The following FGF12 variants were observed in gnomAD, a reference collection of about 807,000 sequenced individuals.
FGF12 encodes fibroblast growth factor 12B.
A neutral mutation model predicts 23.6 loss-of-function variants in FGF12; 14 were observed. That is an observed-to-expected ratio of 0.59 (90% confidence interval 0.39 to 0.93). The LOEUF is 0.93. Among genes scored for constraint, FGF12 ranks in the 40% least tolerant of loss-of-function variants. The pLI is 0.00. For missense variants in FGF12, 175 were observed against 217.8 expected (o/e 0.80, Z 1.24); for synonymous variants, 62 against 77.3 (o/e 0.80, Z 1.04).
intron 2 of FGF12, among the ~76,000 whole-genome samples, chr3:192,609,529 C>T (rs1427006439): frequency 6.6e-6 from 1 of 152,006 alleles, no homozygotes; most frequent in Non-Finnish European, 1.5e-5. Flanking sequence ...CTTAAGATGC[C>T]AGCAAGCATC....
chr3:192,439,957 CA>C (rs1014651755), intron 2 of FGF12, among the ~76,000 whole-genome samples: 9 of 135,634 alleles, frequency 6.6e-5, no homozygotes. Flanking sequence ...GCCTAGGTGA[CA>C]GAGCAAGACT....
At chr3:192,364,369 G>A (rs540068207) in intron 2 of FGF12, among the ~76,000 whole-genome samples, 45 of 148,534 alleles carry the variant, frequency 3.0e-4, no homozygotes, top group Admixed American at 1.0e-3. Context: ...TTAATGAAAT[G>A]ATGACTATAT....
chr3:192,413,157 C>G (rs1721248421), intron 2 of FGF12, among the ~76,000 whole-genome samples: 1 of 152,096 alleles, frequency 6.6e-6, no homozygotes, highest in South Asian at 2.1e-4. Context: ...GCTTTTTGGT[C>G]TTTTGCTTAT....
At chr3:192,266,881 A>G (rs2054791524) in intron 4 of FGF12, 1 of 152,018 alleles carries the variant, frequency 6.6e-6, no homozygotes, top group African/African-American at 2.4e-5. Flanking sequence ...AAGGAAAAGA[A>G]ACTCAGGGAA....
chr3:192,163,938 G>A (rs58422510), intron 5 of FGF12, among the ~76,000 whole-genome samples: 9,685 of 151,958 alleles, frequency 0.064, 373 homozygotes, highest in African/African-American at 0.089. Context: ...CTGTATGGAT[G>A]GCTCTCAAAT....
intron 2 of FGF12, among the ~76,000 whole-genome samples, chr3:192,702,508 A>AAAGCCCAGTCC (rs1553847934): frequency 1.3e-5 from 2 of 152,158 alleles, no homozygotes; most frequent in African/African-American, 2.4e-5. Flanking sequence ...CCAAATGTAA[A>AAAGCCCAGTCC]AAGGCCAGGC....
intron 2 of FGF12, among the ~76,000 whole-genome samples, chr3:192,463,397 G>C (rs2108808873): frequency 6.6e-6 from 1 of 152,194 alleles, no homozygotes; most frequent in Middle Eastern, 3.4e-3. Context: ...TCCAGCCTGG[G>C]TGACAGAGTG....
intron 2 of FGF12, among the ~76,000 whole-genome samples, chr3:192,557,739 T>A (rs1711848574): frequency 6.6e-6 from 1 of 151,918 alleles, no homozygotes. Context: ...GTAACATATA[T>A]TCCTGAGATG....
intron 2 of FGF12, among the ~76,000 whole-genome samples, chr3:192,431,442 C>A (rs1721857781): frequency 1.3e-5 from 2 of 152,174 alleles, no homozygotes; most frequent in Non-Finnish European, 2.9e-5. Context: ...ATTTAAAAAG[C>A]ATATAGCACT....
intron 2 of FGF12, among the ~76,000 whole-genome samples, chr3:192,464,540 G>GTC: frequency 6.8e-6 from 1 of 147,014 alleles, no homozygotes; most frequent in South Asian, 2.2e-4. Flanking sequence ...GTGTGTGTGT[G>GTC]TGTGTATGAC....
intron 2 of FGF12, among the ~76,000 whole-genome samples, chr3:192,497,437 GCAGA>G (rs1461411774): frequency 1.3e-5 from 2 of 152,192 alleles, no homozygotes; most frequent in Non-Finnish European, 2.9e-5. Context: ...TTTTCATAGT[GCAGA>G]CAGAGGGATC....
At chr3:192,145,028 T>TG in intron 5 of FGF12, among the ~76,000 whole-genome samples, 1 of 152,092 alleles carries the variant, frequency 6.6e-6, no homozygotes, top group African/African-American at 2.4e-5. Flanking sequence ...AAACCATCAT[T>TG]ACAAAGATTT....
rs113115999 is a variant in FGF12 at position 192,169,161 on chromosome 3, C to T, written c.427+1297G>A. 2.6e-5 allele frequency among the ~76,000 whole-genome samples: 4 copies of T among 151,874 alleles called. No individual in the cohort carries two copies. The East Asian group carries it at 5.8e-4, about 22-fold the overall frequency. On this transcript the variant is annotated intron_variant, in intron 5 of 5. Coordinates refer to ENST00000445105, the MANE Select transcript of FGF12 (RefSeq NM_004113.6). ...TTTGAGACCAGCCTGGCCAACATGG[C>T]GAAATCCTGTCTCTACTAAAAATAC...
intron 2 of FGF12, among the ~76,000 whole-genome samples, chr3:192,487,966 A>G (rs1324140436): frequency 6.6e-6 from 1 of 152,158 alleles, no homozygotes; most frequent in East Asian, 1.9e-4. Context: ...TGAGACATGC[A>G]GCACAATATT....
At chr3:192,195,961 T>G (rs1717046808) in intron 4 of FGF12, among the ~76,000 whole-genome samples, 1 of 152,180 alleles carries the variant, frequency 6.6e-6, no homozygotes, top group African/African-American at 2.4e-5. Context: ...TGAACTTAAC[T>G]CCTCCCATCT....
At chr3:192,376,024 G>A (rs2108748008) in intron 2 of FGF12, among the ~76,000 whole-genome samples, 1 of 152,112 alleles carries the variant, frequency 6.6e-6, no homozygotes, top group South Asian at 2.1e-4. Context: ...TCCACATGAT[G>A]GGAAAAGCCC....
chr3:192,376,385 TGA>T, intron 2 of FGF12, among the ~76,000 whole-genome samples: 1 of 152,156 alleles, frequency 6.6e-6, no homozygotes, highest in Non-Finnish European at 1.5e-5. Flanking sequence ...TTTTTGAGAC[TGA>T]GTTTCACTCT....
intron 2 of FGF12, among the ~76,000 whole-genome samples, chr3:192,678,107 T>A (rs1173018493): frequency 6.6e-6 from 1 of 152,228 alleles, no homozygotes; most frequent in East Asian, 1.9e-4. Context: ...ACAAAATGAC[T>A]AACCTCTAGT....
chr3:192,631,041 T>A (rs1270816325), intron 2 of FGF12, among the ~76,000 whole-genome samples: 1 of 152,160 alleles, frequency 6.6e-6, no homozygotes, highest in South Asian at 2.1e-4. Context: ...GGTTCCATAT[T>A]CTGGAGTTCA....
Sources: allele counts gnomAD v4.1 joint callset (sites outside exome capture counted in the v4.1 genomes callset), GRCh38; gene constraint gnomAD v4.1.1; transcripts MANE v1.5; gene names NCBI Gene and HGNC (gene_info 2026-07-23, HGNC 2026-07-21).